Variants in DGKI observed in about 807,000 individuals in gnomAD.
The protein encoded by DGKI is DAG kinase iota.
Under a neutral mutation model 147.5 loss-of-function variants are expected in DGKI, and 55 were observed. The observed-to-expected ratio is 0.37, with a 90% CI of 0.30 to 0.47. DGKI has a LOEUF of 0.47. Among genes scored for constraint, DGKI ranks in the 20% least tolerant of loss-of-function variants. DGKI has a pLI of 1.00. For synonymous variants in DGKI, 469 were observed against 477.1 expected, an observed-to-expected ratio of 0.98 and a Z score of 0.22; for missense variants, 1,007 against 1,323.8, an observed-to-expected ratio of 0.76 and a Z score of 3.71.
chr7:137,471,341 G>A (rs1365875606), intron 23 of DGKI, among the ~76,000 whole-genome samples: 1 of 152,144 alleles, frequency 6.6e-6, no homozygotes, highest in Admixed American at 6.6e-5. Flanking sequence ...CCGCAGGTGT[G>A]GATGATCTTG....
chr7:137,422,201 C>A (rs12535157), intron 28 of DGKI, among the ~76,000 whole-genome samples: 45,801 of 152,028 alleles, frequency 0.3, 8,240 homozygotes, highest in East Asian at 0.65. Context: ...TTAGTGAAAA[C>A]AAGCTCATGG....
chr7:137,526,590 G>C (rs1187668287), intron 20 of DGKI, among the ~76,000 whole-genome samples: 4 of 152,028 alleles, frequency 2.6e-5, no homozygotes, highest in African/African-American at 9.7e-5. Context: ...CCATGCCACA[G>C]CTTCCCTTAT....
intron 1 of DGKI, among the ~76,000 whole-genome samples, chr7:137,692,759 T>A (rs539311402): frequency 2.0e-5 from 3 of 152,240 alleles, no homozygotes; most frequent in Non-Finnish European, 4.4e-5. Flanking sequence ...TTTTCTAGCC[T>A]GGGAATAGAA....
chr7:137,401,876 C>A (rs1585078774), intron 30 of DGKI, among the ~76,000 whole-genome samples: 1 of 152,302 alleles, frequency 6.6e-6, no homozygotes, highest in East Asian at 1.9e-4. Flanking sequence ...TTCCAGAACC[C>A]TAGATCAGTT....
rs182788956 is a variant in DGKI, at chr7:137,679,423, C to T, written c.511-771G>A. On this transcript the variant is annotated intron_variant, in intron 2 of 32. Transcript: ENST00000614521. Reference sequence around the variant, plus strand: ...CAAACTGTTTTTTTTTTTTTTTAATCGTACGATGAATAGAATTCCATATTC... The same window carrying T: ...CAAACTGTTTTTTTTTTTTTTTAATTGTACGATGAATAGAATTCCATATTC... Among the ~76,000 whole-genome samples, 409 of 147,300 alleles carry T rather than the reference C, an allele frequency of 2.8e-3. 2 individuals are homozygous for T. The highest frequency in any genetic ancestry group is 4.4e-3 in the Non-Finnish European group (296 of 67,122).
chr7:137,807,256 A>G (rs1797407488), intron 1 of DGKI, among the ~76,000 whole-genome samples: 1 of 152,224 alleles, frequency 6.6e-6, no homozygotes, highest in South Asian at 2.1e-4. Context: ...GCATTTCAAA[A>G]ACCTTCACCC....
At chr7:137,659,732 ACCAT>A (rs1205381801) in intron 3 of DGKI, among the ~76,000 whole-genome samples, 1 of 152,204 alleles carries the variant, frequency 6.6e-6, no homozygotes, top group Non-Finnish European at 1.5e-5. Flanking sequence ...GGAGATCGAG[ACCAT>A]CCTGGCTAAC....
chr7:137,542,143 T>TG (rs1394044790), intron 20 of DGKI, among the ~76,000 whole-genome samples: 1 of 152,190 alleles, frequency 6.6e-6, no homozygotes, highest in Non-Finnish European at 1.5e-5. Context: ...GTGGAGCAAC[T>TG]GGAATGATCA....
intron 1 of DGKI, among the ~76,000 whole-genome samples, chr7:137,839,759 G>C (rs965298272): frequency 1.3e-5 from 2 of 152,152 alleles, no homozygotes; most frequent in Non-Finnish European, 2.9e-5. Context: ...TCTAACAAAA[G>C]CCAGGCTATA....
rs60719355 is a variant in DGKI at position 137,569,728 on chromosome 7, CAAAAAAAAAAAAAAAAAAAAAAAAAAAAA to C, written c.1947+1418_1947+1446del. Among the ~76,000 whole-genome samples, 8 of 64,618 alleles carry C rather than the reference CAAAAAAAAAAAAAAAAAAAAAAAAAAAAA, an allele frequency of 1.2e-4. No homozygotes were observed. In the South Asian group the frequency reaches 2.1e-3, roughly 17 times the overall value. 42.4% of individuals were successfully genotyped at this position (64,618 alleles called of 152,430 possible). A position where few individuals can be genotyped will look rare whatever the true frequency, so the allele number is the denominator to read the frequency against. ...TGGGCAACAGAGTGAGACTCTGTCTCAAAAAAAAAAAAAAAAAAAAAAAAAAAAAAAAAAAAAAAAAAAAGAATTCTTCC... is the reference window on the plus strand; with the variant it reads ...TGGGCAACAGAGTGAGACTCTGTCTCAAAAAAAAAAAAAAAGAATTCTTCC... On this transcript the variant is annotated intron_variant, in intron 19 of 32. Coordinates refer to ENST00000614521, the MANE Select transcript of DGKI (RefSeq NM_001321708.2).
chr7:137,698,740 T>C (rs1373067835), intron 1 of DGKI, among the ~76,000 whole-genome samples: 2 of 152,236 alleles, frequency 1.3e-5, no homozygotes, highest in Admixed American at 6.5e-5. Context: ...GCCCATTTTA[T>C]GAATGGGACG....
At chr7:137,557,468 A>C (rs1290271372) in intron 19 of DGKI, among the ~76,000 whole-genome samples, 3 of 152,216 alleles carry the variant, frequency 2.0e-5, no homozygotes, top group Admixed American at 6.5e-5. Context: ...TATTGGAGAA[A>C]TGATGGATAA....
chr7:137,400,666 C>T (rs987026282), intron 30 of DGKI, among the ~76,000 whole-genome samples: 12 of 152,308 alleles, frequency 7.9e-5, no homozygotes, highest in African/African-American at 1.7e-4. Flanking sequence ...CTTCCCTCCA[C>T]GCCCTTTCAT....
intron 28 of DGKI, among the ~76,000 whole-genome samples, chr7:137,439,365 G>A (rs1813403861): frequency 6.6e-6 from 1 of 152,124 alleles, no homozygotes; most frequent in East Asian, 1.9e-4. Flanking sequence ...AGGTTTAATG[G>A]ACTCACAGTT....
intron 30 of DGKI, among the ~76,000 whole-genome samples, chr7:137,404,548 G>A (rs1340041269): frequency 2.0e-5 from 3 of 152,238 alleles, no homozygotes; most frequent in East Asian, 3.9e-4. Flanking sequence ...AAAAGAGATG[G>A]ATTGTGCTCT....
chr7:137,799,488 T>C (rs962872512), intron 1 of DGKI, among the ~76,000 whole-genome samples: 2 of 152,182 alleles, frequency 1.3e-5, no homozygotes, highest in African/African-American at 4.8e-5. Context: ...AAAGGATGAA[T>C]TTTATGGTAT....
At chr7:137,395,217 G>C (rs1413470762) in intron 32 of DGKI, among the ~76,000 whole-genome samples, 4 of 152,160 alleles carry the variant, frequency 2.6e-5, no homozygotes, top group African/African-American at 4.8e-5. Flanking sequence ...GTTGGAGTAA[G>C]TACTGAAGGA....
intron 20 of DGKI, 113 bp downstream of exon 20, chr7:137,552,255 TC>T (rs1818071125): frequency 9.4e-7 from 1 of 1,065,128 alleles, no homozygotes; most frequent in African/African-American, 1.6e-5. Context: ...CTACTGAGTC[TC>T]CTGGACTTTT....
Position 137,722,228 on chromosome 7 carries a change from A to T in DGKI, c.402-32226T>A, listed in dbSNP as rs796266975. 28 of 1,600,958 alleles carry T rather than the reference A, an allele frequency of 1.7e-5. 1 individual carries two copies. The African/African-American group carries it at 2.4e-4, about 14-fold the overall frequency. Reference sequence around the variant, plus strand: ...TACTCAGCCGCTAAATCCAAGGTTGAAAAGAAAAAGAAGGAGAAGGTTCTT... The same window carrying T: ...TACTCAGCCGCTAAATCCAAGGTTGTAAAGAAAAAGAAGGAGAAGGTTCTT... On this transcript the variant is annotated intron_variant, in intron 1 of 32. Transcript: ENST00000614521.
Sources: allele counts gnomAD v4.1 joint callset (sites outside exome capture counted in the v4.1 genomes callset), GRCh38; gene constraint gnomAD v4.1.1; transcripts MANE v1.5; gene names NCBI Gene and HGNC (gene_info 2026-07-23, HGNC 2026-07-21).